PPP2R5D: variants seen among roughly 807,000 people sequenced by gnomAD.
PPP2R5D encodes the protein serine/threonine-protein phosphatase 2A 56 kDa regulatory subunit delta isoform.
PPP2R5D carries 12 observed loss-of-function variants against 79.1 expected under a neutral mutation model. That is an observed-to-expected ratio of 0.15 (90% confidence interval 0.10 to 0.25). The LOEUF is 0.25. Among genes scored for constraint, PPP2R5D ranks in the 10% least tolerant of loss-of-function variants. PPP2R5D has a pLI of 1.00. For synonymous variants in PPP2R5D, 277 were observed against 286.6 expected (o/e 0.97, Z 0.34); for missense variants, 419 against 760.2 (o/e 0.55, Z 5.28).
chr6:42,998,945 G>A (rs963031922), intron 2 of PPP2R5D, among the ~76,000 whole-genome samples: 1 of 152,196 alleles, frequency 6.6e-6, no homozygotes, highest in Non-Finnish European at 1.5e-5. Context: ...TCAGGCAGGC[G>A]AATCGTTTGA....
chr6:43,009,089 G>A lies in PPP2R5D; in HGVS notation c.1113G>A (p.Lys371=). Residue 371 remains lysine (K), a synonymous_variant, in exon 11 of 16, where the codon AAG becomes AAA. Transcript: ENST00000485511. The surrounding 1 kb of genome is among the most constrained non-coding windows in gnomAD (Gnocchi z 5.6). ...VIVGLLKFWP[K]THSPKEVMFL... ...TGGGACTTCTCAAGTTTTGGCCCAA[G>A]ACCCACAGCCCCAAGGAGGTGATGT... 1 of 1,614,066 alleles carries A rather than the reference G, an allele frequency of 6.2e-7. No homozygotes were observed. The highest frequency in any genetic ancestry group is 2.2e-5 in the East Asian group (1 of 44,884).
chr6:43,011,139 T>G lies in PPP2R5D; in HGVS notation c.1672-10T>G, dbSNP rs371646845. On this transcript the variant is annotated splice_polypyrimidine_tract_variant and intron_variant, in intron 15 of 15. Transcript: ENST00000485511. ...TCACCATTCCTCACCTTGTCCCTAT[T>G]CACACACAGATGCTAAAAGACATCA... 1.9e-6 allele frequency: 3 copies of G among 1,613,966 alleles called. No individual in the cohort carries two copies. In the African/African-American group the frequency reaches 4.0e-5, roughly 22 times the overall value.
intron 2 of PPP2R5D, among the ~76,000 whole-genome samples, chr6:42,994,072 C>T (rs1418938998): frequency 6.6e-6 from 1 of 152,070 alleles, no homozygotes; most frequent in African/African-American, 2.4e-5. Context: ...TTTGGGAGGC[C>T]GAGGAGGGCA....
In PPP2R5D at chr6:42,989,595, C is replaced by A. The variant is rs1771105771; in HGVS notation, c.28-16C>A. 1.6e-5 allele frequency: 26 copies of A among 1,603,440 alleles called. No individual in the cohort carries two copies. Among genetic ancestry groups the A allele is most frequent in the Non-Finnish European group, 2.1e-5 (25 of 1,171,320 alleles). ...TCCTGGCATCTGCTAACTTTACTTT[C>A]ATCTTTTCCTTTCAGGAGCCCCCCA... On this transcript the variant is annotated splice_polypyrimidine_tract_variant and intron_variant, in intron 1 of 15. Coordinates refer to ENST00000485511, the MANE Select transcript of PPP2R5D (RefSeq NM_006245.4).
chr6:43,004,734 A>AC (rs1489324053), intron 2 of PPP2R5D, among the ~76,000 whole-genome samples: 2 of 150,030 alleles, frequency 1.3e-5, no homozygotes, highest in African/African-American at 4.9e-5. Context: ...TTACAACTAA[A>AC]CTATGTATTA....
intron 1 of PPP2R5D, among the ~76,000 whole-genome samples, chr6:42,988,981 C>A (rs1256784637): frequency 6.6e-6 from 1 of 152,250 alleles, no homozygotes; most frequent in Non-Finnish European, 1.5e-5. Flanking sequence ...AGTGCTCACT[C>A]TTTGTAACAG....
rs746715935 is a variant in PPP2R5D, at chr6:43,009,823, T to C, written c.1379+374T>C. Reference sequence around the variant, plus strand: ...GTCTCACGCCTGTAATCCTAGCACTTTGGGAGGCTGGCAAGGCGGGTGGAT... The same window carrying C: ...GTCTCACGCCTGTAATCCTAGCACTCTGGGAGGCTGGCAAGGCGGGTGGAT... On this transcript the variant is annotated intron_variant, in intron 12 of 15. Coordinates refer to ENST00000485511, the MANE Select transcript of PPP2R5D (RefSeq NM_006245.4). The surrounding 1 kb of genome is among the most constrained non-coding windows in gnomAD (Gnocchi z 5.6). Among the ~76,000 whole-genome samples, 1 of 152,138 alleles carries C rather than the reference T, an allele frequency of 6.6e-6. No individual in the cohort carries two copies. The highest frequency in any genetic ancestry group is 2.4e-5 in the African/African-American group (1 of 41,434).
rs1241116131 is a variant in PPP2R5D, at chr6:42,989,684, A to C, written c.101A>C (p.Glu34Ala). Residue 34 changes from glutamate to alanine, a missense_variant, in exon 2 of 16, where the codon GAG (glutamate) becomes GCG (alanine). Physicochemically the swap from Glu to Ala is moderately radical, Grantham distance 107 (BLOSUM62 -1). This residue lies in a region of PPP2R5D where 110 missense variants were observed against 147.6 expected (regional missense o/e 0.75). Transcript: ENST00000485511. ...AAGGATGGTGGAGGCGAGAACACTGAGGAGGTAATGAATGTAGGCGTAGCC... is the reference window on the plus strand; with the variant it reads ...AAGGATGGTGGAGGCGAGAACACTGCGGAGGTAATGAATGTAGGCGTAGCC... ...SGKDGGGENT[E>A]EAQPQPQPQP... 9.9e-6 allele frequency: 16 copies of C among 1,613,116 alleles called. No individual in the cohort carries two copies. The highest frequency in any genetic ancestry group is 1.4e-5 in the Non-Finnish European group (16 of 1,179,416).
chr6:42,998,048 T>TAC (rs1561843952), intron 2 of PPP2R5D, among the ~76,000 whole-genome samples: 3 of 28,830 alleles, frequency 1.0e-4, no homozygotes, highest in African/African-American at 3.1e-4. Flanking sequence ...TATATATATA[T>TAC]ATATATATAT....
intron 2 of PPP2R5D, among the ~76,000 whole-genome samples, chr6:42,995,366 G>A (rs1024434765): frequency 6.6e-6 from 1 of 151,694 alleles, no homozygotes; most frequent in African/African-American, 2.4e-5. Context: ...CTCTTGGACC[G>A]AAGCAATCCT....
intron 1 of PPP2R5D, among the ~76,000 whole-genome samples, chr6:42,987,122 T>G (rs1189948242): frequency 6.6e-6 from 1 of 152,190 alleles, no homozygotes; most frequent in African/African-American, 2.4e-5. Flanking sequence ...TGAACTCTCC[T>G]TTCTTTTCTG....
At chr6:42,999,437 G>T (rs1255809352) in intron 2 of PPP2R5D, among the ~76,000 whole-genome samples, 1 of 152,210 alleles carries the variant, frequency 6.6e-6, no homozygotes, top group African/African-American at 2.4e-5. Flanking sequence ...GCTCAGTGGG[G>T]TAGGGGGCAG....
chr6:43,006,792 G>A lies in PPP2R5D; in HGVS notation c.322+113G>A, dbSNP rs1762108354. 6.4e-7 allele frequency: 1 copy of A among 1,573,092 alleles called. No individual in the cohort carries two copies. Among genetic ancestry groups the A allele is most frequent in the East Asian group, 2.2e-5 (1 of 44,504 alleles). ...GGGAAGGGAGTTCCAGAGAATGCGG[G>A]AAGGGGGTGCCAGGGAGCAGGATGG... is the stretch of plus-strand genomic sequence containing the variant. On this transcript the variant is annotated intron_variant, in intron 3 of 15. Coordinates refer to ENST00000485511, the MANE Select transcript of PPP2R5D (RefSeq NM_006245.4). This position sits in a 1 kb window ranked among gnomAD's most constrained non-coding sequence, Gnocchi z 4.7.
intron 2 of PPP2R5D, among the ~76,000 whole-genome samples, chr6:43,005,637 T>C (rs1762032522): frequency 6.6e-6 from 1 of 151,954 alleles, no homozygotes; most frequent in African/African-American, 2.4e-5. Context: ...TTTTTTTTTT[T>C]TGAGACAAAG....
At position 43,007,828 on chromosome 6, in the gene PPP2R5D, C is replaced by A. The variant is rs899310426; in HGVS notation, c.727-107C>A. On this transcript the variant is annotated intron_variant, in intron 6 of 15. Coordinates refer to ENST00000485511, the MANE Select transcript of PPP2R5D (RefSeq NM_006245.4). The surrounding 1 kb of genome is among the most constrained non-coding windows in gnomAD (Gnocchi z 4.5). ...CTGCTTTCTAAGACTTGCTGGCCCC[C>A]ACTCCAGGGGACCTCTGCATTTCCC... 2.8e-5 allele frequency: 40 copies of A among 1,417,082 alleles called. No individual in the cohort carries two copies. Among genetic ancestry groups the A allele is most frequent in the Non-Finnish European group, 3.9e-5 (40 of 1,020,322 alleles). The allele number at this position is 1,417,082 out of a possible 1,614,324, so 87.8% of individuals were successfully genotyped here. A position where few individuals can be genotyped will look rare whatever the true frequency, so the allele number is the denominator to read the frequency against.
rs773708507 is a variant in PPP2R5D at position 43,006,412 on chromosome 6, TG to T, written c.106-48del. On this transcript the variant is annotated intron_variant, in intron 2 of 15. Coordinates refer to ENST00000485511, the MANE Select transcript of PPP2R5D (RefSeq NM_006245.4). The surrounding 1 kb of genome is among the most constrained non-coding windows in gnomAD (Gnocchi z 4.7). ...GACTTGGGGATGGCCAGGCCCAGGG[TG>T]GGAGGCATATCTTGGGAAGTGGATT... The T allele has an allele frequency of 1.6e-5, 25 of 1,587,236 alleles. 1 individual carries two copies. The East Asian group carries it at 4.5e-4, about 29-fold the overall frequency.
chr6:43,004,740 T>C (rs1313716481), intron 2 of PPP2R5D, among the ~76,000 whole-genome samples: 3 of 151,624 alleles, frequency 2.0e-5, no homozygotes, highest in South Asian at 2.1e-4. Context: ...CTAAACTATG[T>C]ATTACATAGT....
intron 2 of PPP2R5D, among the ~76,000 whole-genome samples, chr6:42,993,104 C>T (rs1023717638): frequency 6.6e-6 from 1 of 152,038 alleles, no homozygotes; most frequent in Non-Finnish European, 1.5e-5. Flanking sequence ...CAAGACCAGC[C>T]TGACCAACAT....
chr6:43,009,357 G>C lies in PPP2R5D; in HGVS notation c.1287G>C (p.Glu429Asp). 1 of 1,614,074 alleles carries C rather than the reference G, an allele frequency of 6.2e-7. No individual in the cohort carries two copies. Among genetic ancestry groups the C allele is most frequent in the Non-Finnish European group, 8.5e-7 (1 of 1,180,024 alleles). Residue 429 changes from glutamate (E) to aspartate (D), a missense_variant, in exon 12 of 16, where the codon GAG becomes GAC. Glu to Asp is a conservative substitution (Grantham distance 45). Transcript: ENST00000485511. This position sits in a 1 kb window ranked among gnomAD's most constrained non-coding sequence, Gnocchi z 5.6. ...GTGCTCTCTATTACTGGAACAATGA[G>C]TACATCATGAGCCTGATAAGTGACA... The part of the protein sequence containing the change: ...AERALYYWNN[E>D]YIMSLISDNA...
Sources: allele counts gnomAD v4.1 joint callset (sites outside exome capture counted in the v4.1 genomes callset), GRCh38; gene constraint gnomAD v4.1.1; regional missense constraint gnomAD v4.1.1; non-coding constraint Gnocchi (gnomAD v3.1); transcripts MANE v1.5; gene names NCBI Gene and HGNC (gene_info 2026-07-23, HGNC 2026-07-21).